PADI1: variants seen among roughly 807,000 people sequenced by gnomAD.
PADI1 encodes peptidyl arginine deiminase 1.
Under a neutral mutation model 74.8 loss-of-function variants are expected in PADI1, and 65 were observed. That is an observed-to-expected ratio of 0.87 (90% CI 0.71 to 1.07). The LOEUF is 1.07. PADI1 is among the 50% of genes least tolerant of loss of function. The pLI, the probability that PADI1 is intolerant of heterozygous loss-of-function variation, is 0.00. For synonymous variants in PADI1, 371 were observed against 336.2 expected, an observed-to-expected ratio of 1.10 and a Z score of -1.13; for missense variants, 943 against 854.0, an observed-to-expected ratio of 1.10 and a Z score of -1.30.
chr1:17,215,942 A>G (rs1479789615), intron 1 of PADI1, among the ~76,000 whole-genome samples: 2 of 152,216 alleles, frequency 1.3e-5, no homozygotes, highest in African/African-American at 4.8e-5. Context: ...AACCAGACTC[A>G]TGGTGTCATT....
chr1:17,235,259 A>AAGGGAAGGAAGG (rs2072607064), intron 11 of PADI1, among the ~76,000 whole-genome samples: 1 of 24,068 alleles, frequency 4.2e-5, no homozygotes, highest in Non-Finnish European at 8.4e-5. Context: ...GGGAGGGAGG[A>AAGGGAAGGAAGG]AGGGAAGGAA....
intron 15 of PADI1, among the ~76,000 whole-genome samples, chr1:17,241,241 G>T (rs1260234663): frequency 6.6e-6 from 1 of 152,220 alleles, no homozygotes; most frequent in East Asian, 1.9e-4. Flanking sequence ...TCATTAACAG[G>T]GCAGCTGACA....
intron 1 of PADI1, among the ~76,000 whole-genome samples, chr1:17,219,414 G>A (rs945512634): frequency 2.0e-5 from 3 of 152,144 alleles, no homozygotes; most frequent in South Asian, 2.1e-4. Context: ...ATTGGGAAGC[G>A]GTGTCCGAGT....
At chr1:17,228,534 C>T (rs1569812254) in intron 6 of PADI1, 91 bp from the exon 7 acceptor site, 2 of 1,419,234 alleles carry the variant, frequency 1.4e-6, no homozygotes, top group Non-Finnish European at 2.0e-6. Context: ...CCAAGCTGCT[C>T]TAACCACAAA....
chr1:17,209,978 C>T (rs952057549), intron 1 of PADI1, among the ~76,000 whole-genome samples: 2 of 151,992 alleles, frequency 1.3e-5, no homozygotes, highest in African/African-American at 4.8e-5. Context: ...CCTCTGCCCC[C>T]CAAGTAGCTG....
At position 17,225,794 on chromosome 1, in the gene PADI1, A is replaced by G; in HGVS notation, c.409-17A>G. ...TCCTGGGTCCCACTGATCCCAAGGC[A>G]TCTTATTTTGCCACAGAAAACCTGG... On this transcript the variant is annotated splice_polypyrimidine_tract_variant and intron_variant, in intron 4 of 15. Transcript: ENST00000375471. The G allele has an allele frequency of 6.2e-7, 1 of 1,604,440 alleles. No individual in the cohort carries two copies.
At chr1:17,205,655 G>A (rs2071663251) in intron 1 of PADI1, among the ~76,000 whole-genome samples, 1 of 152,162 alleles carries the variant, frequency 6.6e-6, no homozygotes, top group Admixed American at 6.5e-5. Flanking sequence ...GATGGCTCAA[G>A]ATGGGGAAGA....
rs773591359 is a variant in PADI1, at chr1:17,244,002, T to G, written c.1759-8T>G. On this transcript the variant is annotated splice_region_variant and splice_polypyrimidine_tract_variant and intron_variant, in intron 15 of 15. Transcript: ENST00000375471. ...GACAGCCTCCCTCTTGCCTTTTCTC[T>G]TTTGCAGGTTAACATGGTGGTCTTA... 6.2e-7 allele frequency: 1 copy of G among 1,603,216 alleles called. No individual in the cohort carries two copies. The highest frequency in any genetic ancestry group is 8.5e-7 in the Non-Finnish European group (1 of 1,170,928).
At position 17,229,013 on chromosome 1, in the gene PADI1, G is replaced by T. The variant is rs2977234; in HGVS notation, c.891G>T (p.Thr297=). 0.3 allele frequency: 482,910 copies of T among 1,583,732 alleles called. 76,160 individuals carry two copies. Among genetic ancestry groups the T allele is most frequent in the Middle Eastern group, 0.35 (2,078 of 6,008 alleles). ...TCCGCATGGCCCCCTGGATCATGACGCCCAACACTCAGCCTCCTGAGGAGC... is the reference window on the plus strand; with the variant it reads ...TCCGCATGGCCCCCTGGATCATGACTCCCAACACTCAGCCTCCTGAGGAGC... ...VGFRMAPWIM[T]PNTQPPEELY... Residue 297 remains threonine (T), a synonymous_variant, in exon 8 of 16, where the codon ACG becomes ACT. Transcript: ENST00000375471.
intron 6 of PADI1, among the ~76,000 whole-genome samples, chr1:17,227,567 A>AATT (rs1557468531): frequency 4.2e-5 from 6 of 142,204 alleles, no homozygotes; most frequent in African/African-American, 1.0e-4. Flanking sequence ...ATAAATAAAT[A>AATT]AATAAATAAA....
rs909623765 is a variant in PADI1, at chr1:17,230,930, C to T, written c.1161+251C>T. 8.5e-5 allele frequency among the ~76,000 whole-genome samples: 13 copies of T among 152,298 alleles called. 1 individual carries two copies. The South Asian group carries it at 1.9e-3, about 22-fold the overall frequency. On this transcript the variant is annotated intron_variant, in intron 10 of 15. Transcript: ENST00000375471. ...TGTGTTGGGAGGGGCAGGTCAGCAG[C>T]CCTCTTCTGGATAAGGCGGCTGGTC...
At chr1:17,220,824 T>A (rs192574880) in intron 1 of PADI1, among the ~76,000 whole-genome samples, 5 of 152,314 alleles carry the variant, frequency 3.3e-5, no homozygotes, top group Admixed American at 3.3e-4. Context: ...AGTTCACGCT[T>A]ATGCAGGGGA....
Position 17,237,443 on chromosome 1 carries a change from T to C in PADI1, c.1443T>C (p.Pro481=). The change falls in exon 12 of 16, where the codon CCT becomes CCC. Residue 481 remains proline, a synonymous_variant. Coordinates refer to ENST00000375471, the MANE Select transcript of PADI1 (RefSeq NM_013358.3). ...GHVDEFLTFV[P]TSDQKGFRLL... ...TGGACGAGTTTCTGACCTTTGTGCC[T>C]ACCTCTGACCAAAAGGTGCGTCCCC... The C allele has an allele frequency of 1.9e-6, 3 of 1,612,028 alleles. No individual in the cohort carries two copies. The highest frequency in any genetic ancestry group is 2.5e-6 in the Non-Finnish European group (3 of 1,178,816).
chr1:17,229,194 C>T lies in PADI1; in HGVS notation c.929+143C>T, dbSNP rs1480926356. 7.0e-5 allele frequency: 46 copies of T among 655,532 alleles called. 2 individuals carry two copies. The South Asian group carries it at 7.7e-4, about 11-fold the overall frequency. 40.6% of individuals were successfully genotyped at this position (655,532 alleles called of 1,614,324 possible). ...GGCAGAGCTGGTGGCAGGACAGCAG[C>T]AGGTGGGCTGGGGCCCCACCCTGCC... On this transcript the variant is annotated intron_variant, in intron 8 of 15. Coordinates refer to ENST00000375471, the MANE Select transcript of PADI1 (RefSeq NM_013358.3).
chr1:17,213,977 C>T lies in PADI1; in HGVS notation c.93-8313C>T, dbSNP rs12408716. Among the ~76,000 whole-genome samples, 239 of 152,266 alleles carry T rather than the reference C, an allele frequency of 1.6e-3. 6 individuals are homozygous for T. Among genetic ancestry groups the T allele is most frequent in the Admixed American group, 0.014 (207 of 15,292 alleles). On this transcript the variant is annotated intron_variant, in intron 1 of 15. Transcript: ENST00000375471. Reference sequence around the variant, plus strand: ...GGGCATTGCAGGGTGAGTAGGAGGACGCTGCTCTGGGCGGCGCAGACGAGA... The same window carrying T: ...GGGCATTGCAGGGTGAGTAGGAGGATGCTGCTCTGGGCGGCGCAGACGAGA...
intron 15 of PADI1, 51 bp from the exon 16 acceptor site, chr1:17,243,959 G>A: frequency 1.5e-6 from 2 of 1,326,810 alleles, no homozygotes; most frequent in Non-Finnish European, 1.1e-6. Flanking sequence ...GGTGCCAGAA[G>A]CACAGCACTT....
intron 8 of PADI1, 69 bp from the exon 9 acceptor site, chr1:17,230,016 T>C: frequency 1.3e-6 from 2 of 1,506,460 alleles, no homozygotes; most frequent in South Asian, 2.5e-5. Context: ...CAGCACAAAC[T>C]GAAGGCCACT....
rs72895772 is a variant in PADI1, at chr1:17,210,368, C to T, written c.92+5059C>T. Reference sequence around the variant, plus strand: ...GAGGAATTCCACAATCCACAGAATGCGGACATGCTTTGGGGAGAGGATCGG... The same window carrying T: ...GAGGAATTCCACAATCCACAGAATGTGGACATGCTTTGGGGAGAGGATCGG... On this transcript the variant is annotated intron_variant, in intron 1 of 15. Coordinates refer to ENST00000375471, the MANE Select transcript of PADI1 (RefSeq NM_013358.3). 6.7e-3 allele frequency among the ~76,000 whole-genome samples: 1,023 copies of T among 152,058 alleles called. 9 individuals are homozygous for T. Among genetic ancestry groups the T allele is most frequent in the African/African-American group, 0.023 (948 of 41,468 alleles).
chr1:17,244,235 G>T lies in PADI1; in HGVS notation c.1984G>T (p.Val662Leu). 6.2e-7 allele frequency: 1 copy of T among 1,613,280 alleles called. No individual in the cohort carries two copies. Among genetic ancestry groups the T allele is most frequent in the East Asian group, 2.2e-5 (1 of 44,872 alleles). Reference sequence around the variant, plus strand: ...CTTTCCCTTCAAATGGTGGAACATGGTGCCCTGAGCCTGCCCCCACCCGCC... The same window carrying T: ...CTTTCCCTTCAAATGGTGGAACATGTTGCCCTGAGCCTGCCCCCACCCGCC... The part of the protein sequence containing the change: ...KPFPFKWWNM[V>L]P Residue 662 changes from valine (V) to leucine (L), a missense_variant, in exon 16 of 16, where the codon GTG becomes TTG. By Grantham distance (32) the Val-to-Leu change is conservative. Coordinates refer to ENST00000375471, the MANE Select transcript of PADI1 (RefSeq NM_013358.3).
Sources: gnomAD v4.1 joint callset for allele counts (sites outside exome capture counted in the v4.1 genomes callset) on GRCh38, gnomAD v4.1.1 for gene constraint, MANE v1.5 for transcripts, NCBI Gene and HGNC (gene_info 2026-07-23, HGNC 2026-07-21) for gene names.